Variants in CD1A observed in about 807,000 individuals in gnomAD.
CD1A encodes CD1a molecule.
Under a neutral mutation model 38.3 loss-of-function variants are expected in CD1A, and 50 were observed. The ratio of observed to expected loss-of-function variants is 1.30; its 90% CI spans 1.04 to 1.65. CD1A has a LOEUF of 1.65. Among genes scored for constraint, CD1A ranks in the 40% most tolerant of loss-of-function variants. CD1A has a pLI of 0.00. For missense variants in CD1A, 459 were observed against 406.1 expected (o/e 1.13, Z -1.12); for synonymous variants, 160 against 150.8 (o/e 1.06, Z -0.45).
At chr1:158,250,410 T>C (rs1650055715), upstream of CD1A, among the ~76,000 whole-genome samples, 1 of 152,188 alleles carries the variant, frequency 6.6e-6, no homozygotes, top group African/African-American at 2.4e-5. Context: ...ATGATGATCA[T>C]AGGGCATCAA....
In CD1A at chr1:158,258,023, C is replaced by G. The variant is rs539917695; in HGVS notation, c.*333C>G. ...GATATCCCTTACTCCAGAGGGCCTT[C>G]CCTGACTTACAAGTGGGAAGCAGTC... is the stretch of plus-strand genomic sequence containing the variant. On this transcript the variant is annotated 3_prime_UTR_variant, in exon 6 of 6. Transcript: ENST00000289429. 6.8e-4 allele frequency: 164 copies of G among 241,878 alleles called. 1 individual carries two copies. Among genetic ancestry groups the G allele is most frequent in the Non-Finnish European group, 1.1e-3 (142 of 124,510 alleles). The allele number at this position is 241,878 out of a possible 1,614,324, so 15.0% of individuals were successfully genotyped here.
At chr1:158,250,039 G>A (rs1335973107), upstream of CD1A, among the ~76,000 whole-genome samples, 1 of 152,250 alleles carries the variant, frequency 6.6e-6, no homozygotes, top group African/African-American at 2.4e-5. Flanking sequence ...CCTGGGTGGG[G>A]ATGGCTAAAG....
intron 4 of CD1A, 123 bp downstream of exon 4, chr1:158,257,187 A>T: frequency 7.8e-7 from 1 of 1,280,194 alleles, no homozygotes; most frequent in East Asian, 2.4e-5. Flanking sequence ...AAAATAGATA[A>T]TCTAAGAAAT....
chr1:158,254,783 CTCTGTGTGTGTGTG>C (rs1335998227), intron 1 of CD1A, 56 bp downstream of exon 1: 417 of 911,408 alleles, frequency 4.6e-4, no homozygotes, highest in African/African-American at 4.9e-4. Context: ...CTCTCTCTCT[CTCTGTGTGTGTGTG>C]TGTGTGTGTG....
At position 158,257,940 on chromosome 1, in the gene CD1A, A is replaced by G; in HGVS notation, c.*250A>G. 1 of 502,514 alleles carries G rather than the reference A, an allele frequency of 2.0e-6. No individual in the cohort carries two copies. Among genetic ancestry groups the G allele is most frequent in the Admixed American group, 3.5e-5 (1 of 28,982 alleles). The allele number at this position is 502,514 out of a possible 1,614,324, so 31.1% of individuals were successfully genotyped here. A position where few individuals can be genotyped will look rare whatever the true frequency, so the allele number is the denominator to read the frequency against. ...AATTCAAATTTTATCTCCAGATGGA[A>G]TGGGGTCCTAGCAACCTCCACATGT... On this transcript the variant is annotated 3_prime_UTR_variant, in exon 6 of 6. Transcript: ENST00000289429.
rs765336915 is a variant in CD1A, at chr1:158,255,325, A to T, written c.300A>T (p.Arg100Ser). Reference protein sequence around the residue: ...RTIRSFEGIRRYAHELQFEYP... With the variant: ...RTIRSFEGIRSYAHELQFEYP... ...TTCGGTCATTTGAGGGAATTCGTAG[A>T]TACGCCCATGAATTGCAGTTTGAAT... The change falls in exon 2 of 6, where the codon AGA (arginine) becomes AGT (serine). Residue 100 changes from arginine (R) to serine (S), a missense_variant. Coordinates refer to ENST00000289429, the MANE Select transcript of CD1A (RefSeq NM_001763.3). The T allele has an allele frequency of 6.2e-7, 1 of 1,614,082 alleles. No individual in the cohort carries two copies. Among genetic ancestry groups the T allele is most frequent in the African/African-American group, 1.3e-5 (1 of 75,060 alleles).
chr1:158,254,831 GT>G lies in CD1A; in HGVS notation c.58+105del, dbSNP rs1650191643. On this transcript the variant is annotated intron_variant, in intron 1 of 5. Coordinates refer to ENST00000289429, the MANE Select transcript of CD1A (RefSeq NM_001763.3). ...TGTGTGTGTGTGTGTGTGTGTGTGT[GT>G]GGTTTCCCTAGCATATACCTGGAAA... The G allele has an allele frequency of 3.0e-5, 21 of 689,106 alleles. No individual in the cohort carries two copies. The South Asian group carries it at 3.3e-4, about 11-fold the overall frequency. 42.7% of individuals were successfully genotyped at this position (689,106 alleles called of 1,614,324 possible).
chr1:158,251,095 A>G (rs1650074893), upstream of CD1A, among the ~76,000 whole-genome samples: 1 of 152,248 alleles, frequency 6.6e-6, no homozygotes. Context: ...TTTGTATGTT[A>G]TATGTATTAT....
Position 158,257,484 on chromosome 1 carries a change from G to A in CD1A, c.947G>A (p.Gly316Asp), listed in dbSNP as rs141025324. 1.7e-5 allele frequency: 28 copies of A among 1,614,054 alleles called. No homozygotes were observed. The African/African-American group carries it at 3.3e-4, about 19-fold the overall frequency. ...AVIVPLLLLIGLALWFRKRCF... is the reference protein window; with the variant it reads ...AVIVPLLLLIDLALWFRKRCF... ...ATAGTGCCTTTACTTCTTCTGATAG[G>A]TCTTGCGCTTTGGTTCAGGAAACGC... is the stretch of plus-strand genomic sequence containing the variant. The change falls in exon 5 of 6, where the codon GGT becomes GAT. Residue 316 changes from glycine (G) to aspartate (D), a missense_variant. Physicochemically the swap from Gly to Asp is moderately conservative, Grantham distance 94. Transcript: ENST00000289429.
intron 2 of CD1A, among the ~76,000 whole-genome samples, chr1:158,255,585 T>C (rs1650232068): frequency 6.6e-6 from 1 of 152,198 alleles, no homozygotes; most frequent in Non-Finnish European, 1.5e-5. Flanking sequence ...TGCATTATTA[T>C]CTTTTCTTAC....
upstream of CD1A, among the ~76,000 whole-genome samples, chr1:158,250,629 C>A (rs892622741): frequency 1.1e-4 from 16 of 152,170 alleles, no homozygotes; most frequent in Admixed American, 2.0e-4. Flanking sequence ...CTCAGTCATG[C>A]GGATGTCTTG....
chr1:158,254,499 GT>G lies in CD1A; in HGVS notation c.-170del, dbSNP rs1208752664. 41 of 1,453,968 alleles carry G rather than the reference GT, an allele frequency of 2.8e-5. No homozygotes were observed. The highest frequency in any genetic ancestry group is 3.7e-5 in the Non-Finnish European group (41 of 1,103,428). 90.1% of individuals were successfully genotyped at this position (1,453,968 alleles called of 1,614,324 possible). Reference sequence around the variant, plus strand: ...GAACCAGAGGGAAATGAGAGACTGAGTAGGCATCTCAGGGTTTTTGAAGGAG... The same window carrying G: ...GAACCAGAGGGAAATGAGAGACTGAGAGGCATCTCAGGGTTTTTGAAGGAG... On this transcript the variant is annotated 5_prime_UTR_variant, in exon 1 of 6. Coordinates refer to ENST00000289429, the MANE Select transcript of CD1A (RefSeq NM_001763.3).
chr1:158,253,954 G>C (rs1031194469), upstream of CD1A, among the ~76,000 whole-genome samples: 10 of 148,934 alleles, frequency 6.7e-5, no homozygotes, highest in Non-Finnish European at 1.2e-4. Context: ...TGCTAAGAGA[G>C]ACTGTTGGGT....
At chr1:158,254,135 C>T (rs1409007063), upstream of CD1A, 1 of 952,924 alleles carries the variant, frequency 1.0e-6, no homozygotes, top group Non-Finnish European at 1.2e-6. Flanking sequence ...TACTGTCGCA[C>T]AGGGCAGTCG....
chr1:158,255,324 G>T lies in CD1A; in HGVS notation c.299G>T (p.Arg100Ile), dbSNP rs1391959125. 6.2e-7 allele frequency: 1 copy of T among 1,613,992 alleles called. No individual in the cohort carries two copies. ...ATTCGGTCATTTGAGGGAATTCGTA[G>T]ATACGCCCATGAATTGCAGTTTGAA... ...RTIRSFEGIRRYAHELQFEYP... is the reference protein window; with the variant it reads ...RTIRSFEGIRIYAHELQFEYP... Residue 100 changes from arginine to isoleucine, a missense_variant, in exon 2 of 6, where the codon AGA (arginine) becomes ATA (isoleucine). By Grantham distance (97) the Arg-to-Ile change is moderately conservative. Coordinates refer to ENST00000289429, the MANE Select transcript of CD1A (RefSeq NM_001763.3).
chr1:158,257,030 C>A lies in CD1A; in HGVS notation c.849C>A (p.Ser283Arg), dbSNP rs1650281081. The A allele has an allele frequency of 6.2e-7, 1 of 1,613,808 alleles. No individual in the cohort carries two copies. The highest frequency in any genetic ancestry group is 8.5e-7 in the Non-Finnish European group (1 of 1,179,784). ...ACCTGTCCTGTCGGGTGAAGCACAG[C>A]AGTCTAGAGGGCCAGGACATCGTCC... is the stretch of plus-strand genomic sequence containing the variant. ...AADLSCRVKH[S>R]SLEGQDIVLY... is the part of the protein sequence containing the mutation. Residue 283 changes from serine (S) to arginine (R), a missense_variant, in exon 4 of 6, where the codon AGC becomes AGA. Physicochemically the swap from Ser to Arg is moderately radical, Grantham distance 110. Coordinates refer to ENST00000289429, the MANE Select transcript of CD1A (RefSeq NM_001763.3).
Position 158,254,596 on chromosome 1 carries a change from G to A in CD1A, c.-74G>A, listed in dbSNP as rs761394557. 170 of 1,610,284 alleles carry A rather than the reference G, an allele frequency of 1.1e-4. No individual in the cohort carries two copies. The highest frequency in any genetic ancestry group is 1.3e-4 in the Non-Finnish European group (157 of 1,178,452). ...AGAAAGAAGTCAGAATAGAGATATCGTGGGGTAGGTTTGTTTGGAACAGAA... is the reference window on the plus strand; with the variant it reads ...AGAAAGAAGTCAGAATAGAGATATCATGGGGTAGGTTTGTTTGGAACAGAA... On this transcript the variant is annotated 5_prime_UTR_variant, in exon 1 of 6. In the 5' UTR this introduces an upstream ATG that the reference lacks. Coordinates refer to ENST00000289429, the MANE Select transcript of CD1A (RefSeq NM_001763.3).
rs1338465209 is a variant in CD1A, at chr1:158,254,783, CTCTGTGTGTGTG to C, written c.58+58_58+69del. ...GGTGGGTGAAGGTCTCTCTCTCTCT[CTCTGTGTGTGTG>C]TGTGTGTGTGTGTGTGTGTGTGTGT... On this transcript the variant is annotated intron_variant, in intron 1 of 5. Coordinates refer to ENST00000289429, the MANE Select transcript of CD1A (RefSeq NM_001763.3). 1.3e-3 allele frequency: 1,214 copies of C among 902,852 alleles called. 1 individual carries two copies. The highest frequency in any genetic ancestry group is 2.8e-3 in the African/African-American group (136 of 48,328). 55.9% of individuals were successfully genotyped at this position (902,852 alleles called of 1,614,324 possible). A position where few individuals can be genotyped will look rare whatever the true frequency, so the allele number is the denominator to read the frequency against.
In CD1A at chr1:158,256,927, G is replaced by T; in HGVS notation, c.746G>T (p.Arg249Leu). The T allele has an allele frequency of 6.2e-7, 1 of 1,614,184 alleles. No homozygotes were observed. The highest frequency in any genetic ancestry group is 1.1e-5 in the South Asian group (1 of 91,080). The change falls in exon 4 of 6, where the codon CGA (arginine) becomes CTA (leucine). Residue 249 changes from arginine to leucine, a missense_variant. Arg to Leu is a moderately radical substitution (Grantham distance 102). Coordinates refer to ENST00000289429, the MANE Select transcript of CD1A (RefSeq NM_001763.3). ...RGEQEQQGTQRGDILPSADGT... is the reference protein window; with the variant it reads ...RGEQEQQGTQLGDILPSADGT... ...GAGCAGGAGCAGCAGGGCACTCAGCGAGGGGACATCTTGCCCAGTGCTGAT... is the reference window on the plus strand; with the variant it reads ...GAGCAGGAGCAGCAGGGCACTCAGCTAGGGGACATCTTGCCCAGTGCTGAT...
Sources: allele counts gnomAD v4.1 joint callset (sites outside exome capture counted in the v4.1 genomes callset), GRCh38; gene constraint gnomAD v4.1.1; transcripts MANE v1.5; gene names NCBI Gene and HGNC (gene_info 2026-07-23, HGNC 2026-07-21).